The following MSRA variants were observed in gnomAD, a reference collection of about 807,000 sequenced individuals.
The protein encoded by MSRA is methionine sulfoxide reductase A, also known as mitochondrial peptide methionine sulfoxide reductase.
A neutral mutation model predicts 31.3 loss-of-function variants in MSRA; 54 were observed. That is an observed-to-expected ratio of 1.73 (90% CI 1.39 to 2.17). The LOEUF (loss-of-function observed/expected upper bound fraction) is 2.17. Among genes scored for constraint, MSRA ranks in the 30% most tolerant of loss-of-function variants. MSRA has a pLI of 0.00. For missense variants in MSRA, 507 were observed against 300.9 expected, an observed-to-expected ratio of 1.69 and a Z score of -5.07; for synonymous variants, 169 against 116.5, an observed-to-expected ratio of 1.45 and a Z score of -2.90.
At chr8:10,291,577 G>T (rs1001021827) in intron 3 of MSRA, among the ~76,000 whole-genome samples, 1 of 151,894 alleles carries the variant, frequency 6.6e-6, no homozygotes, top group African/African-American at 2.4e-5. Flanking sequence ...AGATGAAACC[G>T]AGCTGACATC....
chr8:10,091,983 A>T (rs576648129), intron 1 of MSRA, among the ~76,000 whole-genome samples: 1 of 152,026 alleles, frequency 6.6e-6, no homozygotes, highest in Non-Finnish European at 1.5e-5. Context: ...ATTCCTTTCA[A>T]TGGTGTAGAT....
At chr8:10,178,067 A>G (rs1190557987) in intron 1 of MSRA, among the ~76,000 whole-genome samples, 3 of 152,280 alleles carry the variant, frequency 2.0e-5, no homozygotes, top group South Asian at 4.2e-4. Context: ...ATCACTTCCT[A>G]ATGAGTACAT....
At chr8:10,076,352 G>C (rs1797995399) in intron 1 of MSRA, among the ~76,000 whole-genome samples, 1 of 152,206 alleles carries the variant, frequency 6.6e-6, no homozygotes. Flanking sequence ...AAGAGCTGCG[G>C]TGTATGGCAC....
At chr8:10,391,561 G>C (rs1044513837) in intron 5 of MSRA, among the ~76,000 whole-genome samples, 2 of 152,218 alleles carry the variant, frequency 1.3e-5, no homozygotes, top group Non-Finnish European at 2.9e-5. Flanking sequence ...ATGAACCCAA[G>C]AGGACTTGCC....
intron 3 of MSRA, among the ~76,000 whole-genome samples, chr8:10,282,030 G>C (rs1465947277): frequency 6.6e-6 from 1 of 152,148 alleles, no homozygotes; most frequent in African/African-American, 2.4e-5. Flanking sequence ...GAACAGGGTG[G>C]GTTCTTCCAG....
chr8:10,254,553 T>G (rs1487049511), intron 3 of MSRA, among the ~76,000 whole-genome samples: 1 of 152,236 alleles, frequency 6.6e-6, no homozygotes, highest in Non-Finnish European at 1.5e-5. Flanking sequence ...CACAACTCAT[T>G]CTACCTACTA....
intron 1 of MSRA, among the ~76,000 whole-genome samples, chr8:10,098,201 G>A (rs1423244705): frequency 2.6e-5 from 4 of 152,012 alleles, no homozygotes; most frequent in African/African-American, 7.2e-5. Context: ...TTATTTTAAA[G>A]TATATAAATA....
chr8:10,362,088 C>A (rs1398466971), intron 5 of MSRA, among the ~76,000 whole-genome samples: 1 of 152,146 alleles, frequency 6.6e-6, no homozygotes, highest in Non-Finnish European at 1.5e-5. Flanking sequence ...CAACTTTGCC[C>A]TCACTTGCTG....
chr8:10,221,949 C>T (rs1810544333), intron 2 of MSRA, among the ~76,000 whole-genome samples: 1 of 152,048 alleles, frequency 6.6e-6, no homozygotes, highest in Non-Finnish European at 1.5e-5. Context: ...GGAGGAGGAG[C>T]AGCTGAGGTC....
intron 1 of MSRA, among the ~76,000 whole-genome samples, chr8:10,163,813 C>T (rs975063082): frequency 1.3e-5 from 2 of 152,236 alleles, no homozygotes; most frequent in Admixed American, 6.5e-5. Flanking sequence ...AGATGGACAC[C>T]GCATGCTGGT....
intron 1 of MSRA, among the ~76,000 whole-genome samples, chr8:10,059,599 G>GTT (rs1486870544): frequency 6.6e-6 from 1 of 152,120 alleles, no homozygotes; most frequent in Non-Finnish European, 1.5e-5. Flanking sequence ...ATCGGAAAAC[G>GTT]TAAGACTGAT....
Position 10,113,289 on chromosome 8 carries a change from C to CCTTTTTTTTTTT in MSRA, c.142+58631_142+58632insCTTTTTTTTTTT, listed in dbSNP as rs1554447231. ...AGGCATGGCTTTGGTGAAGACAGGT[C>CCTTTTTTTTTTT]TTCTTTTTTTTTTTTTTTTTTTTTT... is the stretch of plus-strand genomic sequence containing the variant. On this transcript the variant is annotated intron_variant, in intron 1 of 5. Transcript: ENST00000317173. Among the ~76,000 whole-genome samples the CCTTTTTTTTTTT allele has an allele frequency of 5.9e-4, 30 of 50,892 alleles. No individual in the cohort carries two copies. The Admixed American group carries it at 8.2e-3, about 14-fold the overall frequency. 33.4% of individuals were successfully genotyped at this position (50,892 alleles called of 152,430 possible).
chr8:10,072,349 G>C (rs1218534727), intron 1 of MSRA, among the ~76,000 whole-genome samples: 2 of 150,978 alleles, frequency 1.3e-5, no homozygotes, highest in African/African-American at 4.9e-5. Flanking sequence ...AGTTACTACA[G>C]AATAATTTGT....
chr8:10,116,916 A>G (rs945752874), intron 1 of MSRA, among the ~76,000 whole-genome samples: 1 of 152,190 alleles, frequency 6.6e-6, no homozygotes, highest in Non-Finnish European at 1.5e-5. Flanking sequence ...CGGTGAGCCA[A>G]GATTGCGCCA....
chr8:10,353,125 C>T (rs1047812085), intron 5 of MSRA, among the ~76,000 whole-genome samples: 1 of 152,118 alleles, frequency 6.6e-6, no homozygotes, highest in South Asian at 2.1e-4. Context: ...CACAGACAGG[C>T]GTGTGCACAC....
intron 1 of MSRA, among the ~76,000 whole-genome samples, chr8:10,100,713 G>T (rs964630500): frequency 6.6e-6 from 1 of 152,156 alleles, no homozygotes; most frequent in Admixed American, 6.5e-5. Context: ...AAGTTTGGCC[G>T]TGAGTTGTGC....
chr8:10,058,581 T>C (rs1393095016), intron 1 of MSRA, among the ~76,000 whole-genome samples: 1 of 152,146 alleles, frequency 6.6e-6, no homozygotes, highest in Non-Finnish European at 1.5e-5. Context: ...ATCTACCAAA[T>C]ATTTAAAGAG....
At chr8:10,077,816 A>G (rs1192705150) in intron 1 of MSRA, among the ~76,000 whole-genome samples, 3 of 152,144 alleles carry the variant, frequency 2.0e-5, no homozygotes, top group Non-Finnish European at 4.4e-5. Context: ...TCCATTTAGG[A>G]GGAGACTGTT....
At chr8:10,141,586 C>T (rs1010404590) in intron 1 of MSRA, among the ~76,000 whole-genome samples, 3 of 152,210 alleles carry the variant, frequency 2.0e-5, no homozygotes, top group Non-Finnish European at 4.4e-5. Flanking sequence ...AGTCACATCC[C>T]AGCCTTCTGG....
Sources: allele counts gnomAD v4.1 joint callset (sites outside exome capture counted in the v4.1 genomes callset), GRCh38; gene constraint gnomAD v4.1.1; transcripts MANE v1.5; gene names NCBI Gene and HGNC (gene_info 2026-07-23, HGNC 2026-07-21).